Variants in BRAF observed in about 807,000 individuals in gnomAD.
BRAF encodes the protein B-Raf proto-oncogene, serine/threonine kinase, also known as serine/threonine-protein kinase B-raf.
A neutral mutation model predicts 104.6 loss-of-function variants in BRAF; 16 were observed. That is an observed-to-expected ratio of 0.15 (90% CI 0.10 to 0.23). The LOEUF (loss-of-function observed/expected upper bound fraction) is 0.23, where lower values mean the gene tolerates loss of function less well. BRAF is among the 10% of genes least tolerant of loss of function. BRAF has a pLI of 1.00. For synonymous variants in BRAF, 310 were observed against 341.6 expected, an observed-to-expected ratio of 0.91 and a Z score of 1.02; for missense variants, 541 against 937.3, an observed-to-expected ratio of 0.58 and a Z score of 5.52.
At chr7:140,888,835 T>TA (rs113414500) in intron 1 of BRAF, among the ~76,000 whole-genome samples, 13,095 of 143,912 alleles carry the variant, frequency 0.091, 1,656 homozygotes, top group African/African-American at 0.29. Context: ...AACTCCGTCT[T>TA]AAAAAAAAAA....
chr7:140,797,090 A>G (rs976122822), intron 7 of BRAF, among the ~76,000 whole-genome samples: 1 of 152,182 alleles, frequency 6.6e-6, no homozygotes, highest in Non-Finnish European at 1.5e-5. Flanking sequence ...GCAGTCGGCA[A>G]ACTGGCTTTC....
At chr7:140,789,597 G>A (rs1393485629) in intron 8 of BRAF, among the ~76,000 whole-genome samples, 2 of 152,148 alleles carry the variant, frequency 1.3e-5, no homozygotes, top group African/African-American at 4.8e-5. Context: ...ATTCTTGAGA[G>A]CTTACAATCT....
At chr7:140,869,043 CA>C (rs1428197069) in intron 1 of BRAF, among the ~76,000 whole-genome samples, 7 of 151,834 alleles carry the variant, frequency 4.6e-5, no homozygotes, top group Admixed American at 1.3e-4. Context: ...ATGTAAGAGC[CA>C]AAAATCAAAA....
chr7:140,838,084 G>C (rs1327597481), intron 2 of BRAF, among the ~76,000 whole-genome samples: 1 of 152,042 alleles, frequency 6.6e-6, no homozygotes, highest in South Asian at 2.1e-4. Context: ...CATTTCTTTT[G>C]GTTATTCAAG....
intron 11 of BRAF, among the ~76,000 whole-genome samples, chr7:140,782,305 T>C (rs1586143610): frequency 6.6e-6 from 1 of 152,318 alleles, no homozygotes. Context: ...TGGAAGACTT[T>C]AAGGAGCAAG....
Position 140,719,573 on chromosome 7 carries a change from G to T in BRAF, c.*6921C>A. The T allele has an allele frequency of 9.5e-7, 1 of 1,055,256 alleles. No individual in the cohort carries two copies. The highest frequency in any genetic ancestry group is 1.1e-6 in the Non-Finnish European group (1 of 871,450). 65.4% of individuals were successfully genotyped at this position (1,055,256 alleles called of 1,614,324 possible). On this transcript the variant is annotated 3_prime_UTR_variant, in exon 20 of 20. Transcript: ENST00000644969. Reference sequence around the variant, plus strand: ...CCAAAGTACAAATGAAGGGACCTGAGCAGGAAAGAGAACCAAAGTATCAGG... The same window carrying T: ...CCAAAGTACAAATGAAGGGACCTGATCAGGAAAGAGAACCAAAGTATCAGG...
chr7:140,805,531 T>TTC (rs1201249414), intron 5 of BRAF, among the ~76,000 whole-genome samples: 2 of 152,108 alleles, frequency 1.3e-5, no homozygotes, highest in African/African-American at 4.8e-5. Context: ...AGATATATCT[T>TTC]TCTTTTGGGT....
chr7:140,915,637 T>C (rs754176906), intron 1 of BRAF, among the ~76,000 whole-genome samples: 9 of 151,972 alleles, frequency 5.9e-5, no homozygotes, highest in Non-Finnish European at 1.0e-4. Context: ...AGTGTCTCCA[T>C]GTTGGTCAGG....
intron 7 of BRAF, chr7:140,799,953 C>T (rs1347573319): frequency 5.3e-6 from 2 of 379,676 alleles, no homozygotes; most frequent in East Asian, 4.4e-5. Flanking sequence ...TCTATGTCAG[C>T]TTTAATCCCA....
At chr7:140,853,560 C>A (rs1809432347) in intron 1 of BRAF, among the ~76,000 whole-genome samples, 1 of 152,182 alleles carries the variant, frequency 6.6e-6, no homozygotes, top group Admixed American at 6.5e-5. Context: ...CAAGTATACT[C>A]CCAGTGCAGG....
chr7:140,876,626 C>G (rs772373552), intron 1 of BRAF, among the ~76,000 whole-genome samples: 1 of 151,924 alleles, frequency 6.6e-6, no homozygotes, highest in African/African-American at 2.4e-5. Flanking sequence ...TATATATGCA[C>G]CTAATAATGG....
chr7:140,852,775 C>A (rs1216428644), intron 1 of BRAF, among the ~76,000 whole-genome samples: 1 of 152,128 alleles, frequency 6.6e-6, no homozygotes, highest in Non-Finnish European at 1.5e-5. Flanking sequence ...TACTAGTATA[C>A]CTAATAGGCA....
Position 140,724,425 on chromosome 7 carries a change from C to T in BRAF, c.*2069G>A. ...TTTCAAGAGAGGCAGTATTATTGCA[C>T]AGAAGATGTTCTTCAAATCAGCGTG... On this transcript the variant is annotated 3_prime_UTR_variant, in exon 20 of 20. Coordinates refer to ENST00000644969, the MANE Select transcript of BRAF (RefSeq NM_001374258.1). The T allele has an allele frequency of 9.5e-7, 1 of 1,055,858 alleles. No homozygotes were observed. Among genetic ancestry groups the T allele is most frequent in the Non-Finnish European group, 1.1e-6 (1 of 873,350 alleles). The allele number at this position is 1,055,858 out of a possible 1,614,324, so 65.4% of individuals were successfully genotyped here.
In BRAF at chr7:140,875,380, T is replaced by C. The variant is rs570701794; in HGVS notation, c.139-25168A>G. 2.0e-4 allele frequency among the ~76,000 whole-genome samples: 30 copies of C among 152,222 alleles called. No homozygotes were observed. The East Asian group carries it at 4.8e-3, about 24-fold the overall frequency. ...GTGTTGAAAATGAAACACAAAAAAT[T>C]ACTATTATTTTTTGAGATAGCATCT... On this transcript the variant is annotated intron_variant, in intron 1 of 19. Coordinates refer to ENST00000644969, the MANE Select transcript of BRAF (RefSeq NM_001374258.1).
At chr7:140,791,689 T>C (rs1368763755) in intron 8 of BRAF, among the ~76,000 whole-genome samples, 1 of 152,208 alleles carries the variant, frequency 6.6e-6, no homozygotes, top group Non-Finnish European at 1.5e-5. Context: ...AAAGTCAATA[T>C]ATGCCCCCAA....
chr7:140,731,670 C>T (rs1443193927), intron 19 of BRAF: 2 of 151,810 alleles, frequency 1.3e-5, no homozygotes, highest in South Asian at 2.1e-4. Flanking sequence ...ATATGCCATC[C>T]GAGGGGCAGG....
chr7:140,826,546 T>A (rs1806070362), intron 3 of BRAF, among the ~76,000 whole-genome samples: 1 of 152,222 alleles, frequency 6.6e-6, no homozygotes. Context: ...TAGTGGTTAT[T>A]TTTAGTGAAT....
rs891407131 is a variant in BRAF, at chr7:140,724,102, G to A, written c.*2392C>T. The stretch of plus-strand genomic sequence containing the variant: ...CAAGTCTGCTCCCCCGTTCAAATGA[G>A]ATACCAGCCTATTCTAAAATGCAAG... On this transcript the variant is annotated 3_prime_UTR_variant, in exon 20 of 20. Coordinates refer to ENST00000644969, the MANE Select transcript of BRAF (RefSeq NM_001374258.1). 9.5e-7 allele frequency: 1 copy of A among 1,050,564 alleles called. No homozygotes were observed. The highest frequency in any genetic ancestry group is 5.5e-5 in the East Asian group (1 of 18,276). The allele number at this position is 1,050,564 out of a possible 1,614,324, so 65.1% of individuals were successfully genotyped here.
chr7:140,852,402 A>C (rs1446641975), intron 1 of BRAF, among the ~76,000 whole-genome samples: 2 of 151,840 alleles, frequency 1.3e-5, no homozygotes, highest in East Asian at 1.9e-4. Context: ...AAAAAAAAAA[A>C]AAACCAAAAA....
Sources: allele counts gnomAD v4.1 joint callset (sites outside exome capture counted in the v4.1 genomes callset), GRCh38; gene constraint gnomAD v4.1.1; transcripts MANE v1.5; gene names NCBI Gene and HGNC (gene_info 2026-07-23, HGNC 2026-07-21).